Variants in GIPC2 observed in about 807,000 individuals in gnomAD.
GIPC2 encodes PDZ domain-containing protein GIPC2.
A neutral mutation model predicts 30.6 loss-of-function variants in GIPC2; 30 were observed. That is an observed-to-expected ratio of 0.98 (90% CI 0.73 to 1.33). GIPC2 has a LOEUF of 1.33. Ranked by LOEUF, GIPC2 falls within the 40% of genes most tolerant of loss-of-function variation. The probability of loss-of-function intolerance (pLI) is 0.00; values close to 1 mark genes in which losing one functional copy is unlikely to be tolerated. For synonymous variants in GIPC2, 167 were observed against 150.0 expected, an observed-to-expected ratio of 1.11 and a Z score of -0.83; for missense variants, 414 against 390.3, an observed-to-expected ratio of 1.06 and a Z score of -0.51.
At chr1:78,075,380 T>TG (rs749336926) in intron 1 of GIPC2, among the ~76,000 whole-genome samples, 3 of 152,118 alleles carry the variant, frequency 2.0e-5, no homozygotes, top group African/African-American at 7.2e-5. Flanking sequence ...CACTTGAGCC[T>TG]GGGGGGTTGA....
chr1:78,052,382 G>A (rs1661213270), intron 1 of GIPC2, among the ~76,000 whole-genome samples: 1 of 152,190 alleles, frequency 6.6e-6, no homozygotes, highest in African/African-American at 2.4e-5. Flanking sequence ...GCCCTCAAGG[G>A]CCTAGACTTT....
intron 5 of GIPC2, among the ~76,000 whole-genome samples, chr1:78,134,352 GTGTGTGTGTGTA>G (rs1662962066): frequency 1.3e-5 from 2 of 151,880 alleles, no homozygotes; most frequent in Admixed American, 6.6e-5. Flanking sequence ...GTATGTGTGT[GTGTGTGTGTGTA>G]TGTATGTGTG....
In GIPC2 at chr1:78,137,965, T is replaced by G. The variant is rs1663036805; in HGVS notation, c.*2222T>G. ...ATTCCATTTTATTGGCATCACTAGATGTTTTTAGGACCCTGTCCTTTTCAC... is the reference window on the plus strand; with the variant it reads ...ATTCCATTTTATTGGCATCACTAGAGGTTTTTAGGACCCTGTCCTTTTCAC... On this transcript the variant is annotated 3_prime_UTR_variant, in exon 6 of 6. Transcript: ENST00000370759. The G allele has an allele frequency of 2.0e-5, 3 of 152,234 alleles. No homozygotes were observed. The highest frequency in any genetic ancestry group is 4.1e-4 in the South Asian group (2 of 4,820). 9.4% of individuals were successfully genotyped at this position (152,234 alleles called of 1,614,324 possible). A position where few individuals can be genotyped will look rare whatever the true frequency, so the allele number is the denominator to read the frequency against.
Position 78,045,991 on chromosome 1 carries a change from G to T in GIPC2, c.-104G>T. ...AGGCGGAAGCGCGGCTGCCATTGGA[G>T]GCTGCTTTTACCTGCGCGGGGCCCG... On this transcript the variant is annotated 5_prime_UTR_variant, in exon 1 of 6. The change creates a new upstream start codon in the 5' untranslated region. Transcript: ENST00000370759. The T allele has an allele frequency of 7.2e-7, 1 of 1,384,140 alleles. No individual in the cohort carries two copies. The highest frequency in any genetic ancestry group is 1.7e-5 in the South Asian group (1 of 59,074). 85.7% of individuals were successfully genotyped at this position (1,384,140 alleles called of 1,614,324 possible). A position where few individuals can be genotyped will look rare whatever the true frequency, so the allele number is the denominator to read the frequency against.
intron 1 of GIPC2, among the ~76,000 whole-genome samples, chr1:78,079,993 GC>G (rs1037771341): frequency 1.7e-4 from 25 of 151,502 alleles, no homozygotes; most frequent in Admixed American, 1.3e-3. Context: ...CAATTCCATG[GC>G]CCCCCTCCCC....
intron 1 of GIPC2, chr1:78,069,111 A>T: frequency 1.0e-6 from 1 of 984,922 alleles, no homozygotes; most frequent in Non-Finnish European, 1.2e-6. Context: ...CTGATAATCA[A>T]CAACTCCGAG....
chr1:78,060,674 A>C (rs1015305360), intron 1 of GIPC2, among the ~76,000 whole-genome samples: 1 of 152,224 alleles, frequency 6.6e-6, no homozygotes, highest in Admixed American at 6.5e-5. Flanking sequence ...CTACACAGTA[A>C]ATGATTATTT....
intron 3 of GIPC2, among the ~76,000 whole-genome samples, chr1:78,097,737 A>C (rs1163178163): frequency 1.3e-5 from 2 of 152,238 alleles, no homozygotes; most frequent in Non-Finnish European, 1.5e-5. Flanking sequence ...ACTACCATGT[A>C]GGTCCCAGAA....
At chr1:78,045,783 G>T, upstream of GIPC2, 2 of 1,133,672 alleles carry the variant, frequency 1.8e-6, no homozygotes, top group Non-Finnish European at 2.2e-6. Flanking sequence ...GTTCTGTAGC[G>T]TCGGCATCCT....
intron 1 of GIPC2, among the ~76,000 whole-genome samples, chr1:78,068,555 C>A (rs1661562389): frequency 6.6e-6 from 1 of 152,092 alleles, no homozygotes; most frequent in African/African-American, 2.4e-5. Context: ...TCAAACCAAC[C>A]CAGATGCTTC....
chr1:78,045,568 G>A (rs2102629263), upstream of GIPC2: 1 of 985,450 alleles, frequency 1.0e-6, no homozygotes, highest in East Asian at 1.1e-4. Context: ...CCAAGCTCAA[G>A]GTTATGTGAC....
rs1159060269 is a variant in GIPC2 at position 78,137,066 on chromosome 1, A to G, written c.*1323A>G. The G allele has an allele frequency of 6.6e-6, 1 of 152,198 alleles. No homozygotes were observed. Among genetic ancestry groups the G allele is most frequent in the Non-Finnish European group, 1.5e-5 (1 of 68,006 alleles). The allele number at this position is 152,198 out of a possible 1,614,324, so 9.4% of individuals were successfully genotyped here. A position where few individuals can be genotyped will look rare whatever the true frequency, so the allele number is the denominator to read the frequency against. On this transcript the variant is annotated 3_prime_UTR_variant, in exon 6 of 6. Transcript: ENST00000370759. ...CTGGTAAAACTTTAGTTGTATTGCC[A>G]TCCACTCCTTTTTCAAATGAGTTTA...
At chr1:78,055,522 T>C (rs753936786) in intron 1 of GIPC2, among the ~76,000 whole-genome samples, 2 of 152,154 alleles carry the variant, frequency 1.3e-5, no homozygotes, top group Non-Finnish European at 2.9e-5. Flanking sequence ...TCCTTAACCT[T>C]CCATCTCAGC....
chr1:78,069,525 G>A (rs1343934057), intron 1 of GIPC2, among the ~76,000 whole-genome samples: 2 of 147,250 alleles, frequency 1.4e-5, no homozygotes, highest in African/African-American at 5.1e-5. Flanking sequence ...CCAGGCTGGA[G>A]TGCAGTGGTA....
At position 78,046,250 on chromosome 1, in the gene GIPC2, T is replaced by C; in HGVS notation, c.156T>C (p.Ser52=). ...LVFHAQLAHG[S]ATGRVEGFSS... is the part of the protein sequence containing the mutation. ...TCCACGCGCAGCTGGCGCACGGTAG[T>C]GCCACGGGCCGAGTGGAGGGCTTCT... The change falls in exon 1 of 6, where the codon AGT becomes AGC. Residue 52 remains serine, a synonymous_variant. Coordinates refer to ENST00000370759, the MANE Select transcript of GIPC2 (RefSeq NM_017655.6). 1 of 1,609,972 alleles carries C rather than the reference T, an allele frequency of 6.2e-7. No homozygotes were observed. Among genetic ancestry groups the C allele is most frequent in the Non-Finnish European group, 8.5e-7 (1 of 1,178,762 alleles).
intron 1 of GIPC2, among the ~76,000 whole-genome samples, chr1:78,077,343 T>G (rs1201208368): frequency 6.6e-6 from 1 of 152,250 alleles, no homozygotes; most frequent in Non-Finnish European, 1.5e-5. Flanking sequence ...TCTTCTTACT[T>G]TTGTTACTGT....
chr1:78,137,150 T>C lies in GIPC2; in HGVS notation c.*1407T>C, dbSNP rs1213260630. The C allele has an allele frequency of 6.6e-6, 1 of 152,208 alleles. No homozygotes were observed. The allele number at this position is 152,208 out of a possible 1,614,324, so 9.4% of individuals were successfully genotyped here. ...TTTGAAATCTGCACAGAAGCTGTTT[T>C]AGTCATTAATGTGTAACAAAAGTAG... On this transcript the variant is annotated 3_prime_UTR_variant, in exon 6 of 6. Transcript: ENST00000370759.
At chr1:78,114,500 A>G (rs1227781024) in intron 3 of GIPC2, among the ~76,000 whole-genome samples, 1 of 152,222 alleles carries the variant, frequency 6.6e-6, no homozygotes, top group Admixed American at 6.5e-5. Flanking sequence ...ATAGGCTCAT[A>G]GACAAACACG....
chr1:78,100,941 T>TACACACACACACAC (rs71590709), intron 3 of GIPC2, among the ~76,000 whole-genome samples: 2 of 114,904 alleles, frequency 1.7e-5, no homozygotes, highest in African/African-American at 3.7e-5. Context: ...AAAAAAAAAA[T>TACACACACACACAC]ACACACACAC....
Sources: allele counts gnomAD v4.1 joint callset (sites outside exome capture counted in the v4.1 genomes callset), GRCh38; gene constraint gnomAD v4.1.1; transcripts MANE v1.5; gene names NCBI Gene and HGNC (gene_info 2026-07-23, HGNC 2026-07-21).